Variants in PKNOX2 observed in about 807,000 individuals in gnomAD.
PKNOX2 encodes PBX/knotted 1 homeobox 2, also known as homeobox protein PKNOX2.
Under a neutral mutation model 53.1 loss-of-function variants are expected in PKNOX2, and 14 were observed. The observed-to-expected ratio is 0.26, with a 90% CI of 0.17 to 0.41. The LOEUF (loss-of-function observed/expected upper bound fraction) is 0.41. Ranked by LOEUF, PKNOX2 falls within the 10% of genes least tolerant of loss-of-function variation. PKNOX2 has a pLI of 1.00. For missense variants in PKNOX2, 496 were observed against 602.8 expected (o/e 0.82, Z 1.85); for synonymous variants, 257 against 242.8 (o/e 1.06, Z -0.54).
intron 2 of PKNOX2, among the ~76,000 whole-genome samples, chr11:125,287,257 G>A (rs995364168): frequency 6.6e-6 from 1 of 152,182 alleles, no homozygotes; most frequent in East Asian, 1.9e-4. Flanking sequence ...TGACCCCAGA[G>A]CCCGGGCTGA....
In PKNOX2 at chr11:125,187,353, T is replaced by A. The variant is rs529889674; in HGVS notation, c.-201+22577T>A. ...TCTTTCTATCCATGAACATGGTATA[T>A]CTTTTCATTTCTTTAAATCTAATTT... is the stretch of plus-strand genomic sequence containing the variant. On this transcript the variant is annotated intron_variant, in intron 1 of 12. Coordinates refer to ENST00000298282, the MANE Select transcript of PKNOX2 (RefSeq NM_001382323.2). 5.3e-5 allele frequency among the ~76,000 whole-genome samples: 8 copies of A among 152,328 alleles called. No individual in the cohort carries two copies. The South Asian group carries it at 1.5e-3, about 28-fold the overall frequency.
chr11:125,188,068 C>T (rs1182905573), intron 1 of PKNOX2: 2 of 152,230 alleles, frequency 1.3e-5, no homozygotes, highest in Non-Finnish European at 2.9e-5. Flanking sequence ...GATTCTAAAA[C>T]AGCCCTTGGA....
At chr11:125,184,275 G>A (rs927548277) in intron 1 of PKNOX2, 1 of 152,272 alleles carries the variant, frequency 6.6e-6, no homozygotes, top group African/African-American at 2.4e-5. Flanking sequence ...ACTTCTGGAA[G>A]AGGTGGATGG....
chr11:125,274,831 A>T (rs1319498634), intron 2 of PKNOX2, among the ~76,000 whole-genome samples: 3 of 152,218 alleles, frequency 2.0e-5, no homozygotes. Flanking sequence ...GGGCGGTAGG[A>T]TAACACCCAA....
chr11:125,205,623 A>G (rs1289263134), intron 1 of PKNOX2, among the ~76,000 whole-genome samples: 1 of 151,416 alleles, frequency 6.6e-6, no homozygotes, highest in Non-Finnish European at 1.5e-5. Flanking sequence ...CAAATATTCT[A>G]TCTCTCTAAG....
intron 2 of PKNOX2, chr11:125,288,081 AT>A (rs1391656222): frequency 2.6e-5 from 4 of 152,264 alleles, no homozygotes; most frequent in African/African-American, 9.6e-5. Flanking sequence ...AAATGCTCAG[AT>A]TTCTGGCATT....
At chr11:125,265,179 C>T (rs929776896) in intron 2 of PKNOX2, among the ~76,000 whole-genome samples, 6 of 151,846 alleles carry the variant, frequency 4.0e-5, no homozygotes, top group East Asian at 1.9e-4. Flanking sequence ...CCCAGCTACT[C>T]GGAAGGCTGA....
At chr11:125,418,548 G>A (rs749833944) in intron 10 of PKNOX2, among the ~76,000 whole-genome samples, 8 of 151,992 alleles carry the variant, frequency 5.3e-5, no homozygotes, top group Non-Finnish European at 1.2e-4. Flanking sequence ...CAGGAACAGC[G>A]GGTGCACTGC....
chr11:125,319,913 G>A (rs1949422284), intron 2 of PKNOX2, among the ~76,000 whole-genome samples: 1 of 152,208 alleles, frequency 6.6e-6, no homozygotes, highest in Admixed American at 6.5e-5. Flanking sequence ...CTGGAAAGGT[G>A]GGAAGGGCCA....
intron 4 of PKNOX2, among the ~76,000 whole-genome samples, chr11:125,362,146 A>G (rs542678774): frequency 6.6e-6 from 1 of 152,262 alleles, no homozygotes; most frequent in African/African-American, 2.4e-5. Flanking sequence ...GTGAAGTTTC[A>G]TTCTAATTGG....
intron 6 of PKNOX2, among the ~76,000 whole-genome samples, chr11:125,395,602 T>C (rs1382103675): frequency 6.6e-6 from 1 of 152,228 alleles, no homozygotes; most frequent in Non-Finnish European, 1.5e-5. Flanking sequence ...TATTTATTTC[T>C]TTTATTTTAA....
rs1006186587 is a variant in PKNOX2, at chr11:125,352,985, A to T, written c.87+1593A>T. Among the ~76,000 whole-genome samples the T allele has an allele frequency of 2.0e-5, 3 of 152,140 alleles. No individual in the cohort carries two copies. Among genetic ancestry groups the T allele is most frequent in the African/African-American group, 7.2e-5 (3 of 41,426 alleles). On this transcript the variant is annotated intron_variant, in intron 4 of 12. Coordinates refer to ENST00000298282, the MANE Select transcript of PKNOX2 (RefSeq NM_001382323.2). The surrounding 1 kb of genome is among the most constrained non-coding windows in gnomAD (Gnocchi z 4.1). ...ACTGATGGGAACCTTTTGCCTCCCAAGAAAGAAGTGAGAGAAGAAGCTAGG... is the reference window on the plus strand; with the variant it reads ...ACTGATGGGAACCTTTTGCCTCCCATGAAAGAAGTGAGAGAAGAAGCTAGG...
intron 10 of PKNOX2, among the ~76,000 whole-genome samples, chr11:125,418,811 G>A (rs368814651): frequency 2.0e-4 from 31 of 152,054 alleles, no homozygotes; most frequent in Middle Eastern, 3.4e-3. Context: ...AACATGTATC[G>A]CCTTTTTTCT....
chr11:125,282,167 C>A (rs558140069), intron 2 of PKNOX2, among the ~76,000 whole-genome samples: 120 of 152,338 alleles, frequency 7.9e-4, no homozygotes, highest in Middle Eastern at 3.4e-3. Context: ...AGCTGTCTGT[C>A]AGCTCCAAGC....
chr11:125,395,261 T>A (rs946105185), intron 6 of PKNOX2, among the ~76,000 whole-genome samples: 2 of 152,258 alleles, frequency 1.3e-5, no homozygotes, highest in African/African-American at 4.8e-5. Flanking sequence ...TCATTCTTTT[T>A]TATTGCTGAG....
chr11:125,265,252 A>C (rs1945230154), intron 2 of PKNOX2, among the ~76,000 whole-genome samples: 2 of 151,098 alleles, frequency 1.3e-5, no homozygotes, highest in African/African-American at 4.9e-5. Context: ...GCACCATTGT[A>C]CTCCACCCTG....
chr11:125,385,329 GA>G (rs1469567761), intron 5 of PKNOX2, among the ~76,000 whole-genome samples: 1 of 152,218 alleles, frequency 6.6e-6, no homozygotes, highest in East Asian at 1.9e-4. Context: ...AGTGGGTAGG[GA>G]CAGAAGCCTC....
chr11:125,430,312 A>G (rs1956636780), intron 12 of PKNOX2, among the ~76,000 whole-genome samples, 171 bp downstream of exon 12: 1 of 152,210 alleles, frequency 6.6e-6, no homozygotes, highest in African/African-American at 2.4e-5. Context: ...ATGTTTTTGT[A>G]CATAATTTAA....
At chr11:125,267,779 TTTCTC>T (rs950274912) in intron 2 of PKNOX2, among the ~76,000 whole-genome samples, 2 of 151,956 alleles carry the variant, frequency 1.3e-5, no homozygotes, top group Admixed American at 6.6e-5. Flanking sequence ...GTGTGTGTGT[TTTCTC>T]TGCTGATTTA....
Sources: allele counts gnomAD v4.1 joint callset (sites outside exome capture counted in the v4.1 genomes callset), GRCh38; gene constraint gnomAD v4.1.1; non-coding constraint Gnocchi (gnomAD v3.1); transcripts MANE v1.5; gene names NCBI Gene and HGNC (gene_info 2026-07-23, HGNC 2026-07-21).